SCFD2: variants seen among roughly 807,000 people sequenced by gnomAD.
SCFD2 encodes sec1 family domain containing 2, also known as sec1 family domain-containing protein 2.
A neutral mutation model predicts 58.9 loss-of-function variants in SCFD2; 54 were observed. The observed-to-expected ratio is 0.92, with a 90% confidence interval of 0.74 to 1.15. The LOEUF is 1.15. SCFD2 is among the 50% of genes most tolerant of loss of function. The pLI is 0.00. For missense variants in SCFD2, 805 were observed against 836.6 expected, an observed-to-expected ratio of 0.96 and a Z score of 0.47; for synonymous variants, 321 against 335.9, an observed-to-expected ratio of 0.96 and a Z score of 0.49.
At chr4:52,890,198 G>A (rs1718848646) in intron 7 of SCFD2, among the ~76,000 whole-genome samples, 1 of 152,180 alleles carries the variant, frequency 6.6e-6, no homozygotes, top group African/African-American at 2.4e-5. Flanking sequence ...GGTGCAATAT[G>A]TTCCCAAAGA....
At chr4:52,921,405 G>A (rs1313806061) in intron 5 of SCFD2, among the ~76,000 whole-genome samples, 1 of 152,116 alleles carries the variant, frequency 6.6e-6, no homozygotes, top group Non-Finnish European at 1.5e-5. Context: ...CAAGAAGACG[G>A]TTTTCTGCAA....
intron 4 of SCFD2, among the ~76,000 whole-genome samples, chr4:53,179,736 G>A (rs1180281852): frequency 6.6e-6 from 1 of 152,134 alleles, no homozygotes; most frequent in Non-Finnish European, 1.5e-5. Flanking sequence ...ACCCATCAGT[G>A]TGCTGTATTC....
intron 4 of SCFD2, among the ~76,000 whole-genome samples, chr4:53,188,924 T>C (rs1727814892): frequency 1.3e-5 from 2 of 152,194 alleles, no homozygotes; most frequent in Non-Finnish European, 2.9e-5. Context: ...AGTTTTTATT[T>C]AGGGGACTCT....
chr4:53,323,738 T>C (rs900840594), intron 2 of SCFD2, among the ~76,000 whole-genome samples: 1 of 151,958 alleles, frequency 6.6e-6, no homozygotes, highest in Non-Finnish European at 1.5e-5. Context: ...ATTTTCAATA[T>C]AGTAAGATAA....
intron 3 of SCFD2, among the ~76,000 whole-genome samples, chr4:53,296,663 T>C (rs1021481161): frequency 1.3e-5 from 2 of 152,202 alleles, no homozygotes; most frequent in Admixed American, 6.5e-5. Flanking sequence ...TCTTAGTTAT[T>C]TCTTGCCTTC....
At chr4:52,916,067 T>C (rs1397732956) in intron 6 of SCFD2, among the ~76,000 whole-genome samples, 1 of 152,226 alleles carries the variant, frequency 6.6e-6, no homozygotes, top group Non-Finnish European at 1.5e-5. Flanking sequence ...AGCCCTGCTC[T>C]TCAAGATGCA....
chr4:53,343,572 A>G (rs1020108194), intron 2 of SCFD2, among the ~76,000 whole-genome samples: 1 of 152,246 alleles, frequency 6.6e-6, no homozygotes, highest in African/African-American at 2.4e-5. Flanking sequence ...CAACTGATAG[A>G]AAAAGAGGGA....
At chr4:53,086,241 C>G (rs895186972) in intron 5 of SCFD2, among the ~76,000 whole-genome samples, 9 of 152,084 alleles carry the variant, frequency 5.9e-5, no homozygotes, top group Non-Finnish European at 8.8e-5. Context: ...AGACATTTCT[C>G]AAAAGAAGAC....
intron 5 of SCFD2, among the ~76,000 whole-genome samples, chr4:53,073,084 C>G (rs528031361): frequency 1.4e-4 from 22 of 152,146 alleles, no homozygotes; most frequent in Middle Eastern, 3.4e-3. Flanking sequence ...CATGTACATA[C>G]TTTTTTTCCT....
chr4:52,938,084 C>T (rs1720189682), intron 5 of SCFD2, among the ~76,000 whole-genome samples: 2 of 152,296 alleles, frequency 1.3e-5, no homozygotes, highest in South Asian at 2.1e-4. Context: ...GCCTGCATCA[C>T]ACTTCCTCTG....
At chr4:53,303,519 G>A (rs369686379) in intron 3 of SCFD2, among the ~76,000 whole-genome samples, 1 of 152,048 alleles carries the variant, frequency 6.6e-6, no homozygotes, top group Non-Finnish European at 1.5e-5. Context: ...GTAAACTAGT[G>A]CAACCATTGT....
At chr4:53,248,014 G>A (rs1053502681) in intron 4 of SCFD2, among the ~76,000 whole-genome samples, 3 of 152,222 alleles carry the variant, frequency 2.0e-5, no homozygotes, top group Admixed American at 2.0e-4. Context: ...TGAGGTACTG[G>A]GTTCATCTCA....
chr4:53,296,642 G>A (rs1308599513), intron 3 of SCFD2, among the ~76,000 whole-genome samples: 1 of 152,036 alleles, frequency 6.6e-6, no homozygotes, highest in African/African-American at 2.4e-5. Context: ...ATCTCCTTCA[G>A]TTCTGCTCGA....
At chr4:53,214,609 T>G (rs113038390) in intron 4 of SCFD2, among the ~76,000 whole-genome samples, 20,406 of 152,150 alleles carry the variant, frequency 0.13, 1,569 homozygotes, top group East Asian at 0.24. Flanking sequence ...GGTTGCCTGT[T>G]GACTATGATG....
chr4:52,992,023 C>T (rs941496644), intron 5 of SCFD2, among the ~76,000 whole-genome samples: 2 of 151,888 alleles, frequency 1.3e-5, no homozygotes, highest in Non-Finnish European at 2.9e-5. Flanking sequence ...CCTCTCCCCA[C>T]GGTCTCCCTC....
intron 6 of SCFD2, among the ~76,000 whole-genome samples, chr4:52,914,662 C>T (rs1320061121): frequency 6.6e-6 from 1 of 152,104 alleles, no homozygotes; most frequent in Non-Finnish European, 1.5e-5. Flanking sequence ...GCCCACATTC[C>T]TTTTGAGGGC....
chr4:53,046,044 C>CTA (rs1723029500), intron 5 of SCFD2, among the ~76,000 whole-genome samples: 1 of 152,036 alleles, frequency 6.6e-6, no homozygotes, highest in Non-Finnish European at 1.5e-5. Context: ...CTACACACAG[C>CTA]TATGAAGGTG....
chr4:53,021,220 C>T (rs1002220293), intron 5 of SCFD2, among the ~76,000 whole-genome samples: 1 of 152,084 alleles, frequency 6.6e-6, no homozygotes, highest in Non-Finnish European at 1.5e-5. Context: ...ATCTAAATGA[C>T]CTGAATAATT....
chr4:53,328,593 T>C (rs1302612223), intron 2 of SCFD2, among the ~76,000 whole-genome samples: 1 of 152,136 alleles, frequency 6.6e-6, no homozygotes, highest in Non-Finnish European at 1.5e-5. Context: ...AAAATACATA[T>C]ATACAAACAT....
Sources: gnomAD v4.1 joint callset for allele counts (sites outside exome capture counted in the v4.1 genomes callset) on GRCh38, gnomAD v4.1.1 for gene constraint, MANE v1.5 for transcripts, NCBI Gene and HGNC (gene_info 2026-07-23, HGNC 2026-07-21) for gene names.